Variants in LPP observed in about 807,000 individuals in gnomAD.
The protein encoded by LPP is LIM domain containing preferred translocation partner in lipoma.
In LPP, 38 loss-of-function variants were observed where a neutral mutation model predicts 60.4. That is an observed-to-expected ratio of 0.63 (90% CI 0.49 to 0.83). LPP has a LOEUF of 0.83. Among genes scored for constraint, LPP ranks in the 40% least tolerant of loss-of-function variants. The pLI is 0.00. For synonymous variants in LPP, 328 were observed against 290.8 expected, an observed-to-expected ratio of 1.13 and a Z score of -1.30; for missense variants, 902 against 783.6, an observed-to-expected ratio of 1.15 and a Z score of -1.80.
chr3:188,517,422 A>G (rs921720509), intron 5 of LPP, among the ~76,000 whole-genome samples: 1 of 152,228 alleles, frequency 6.6e-6, no homozygotes, highest in African/African-American at 2.4e-5. Flanking sequence ...AGATAGAAAT[A>G]GTTTGGATAT....
chr3:188,819,024 G>T (rs371337689), intron 9 of LPP, among the ~76,000 whole-genome samples: 2,049 of 126,650 alleles, frequency 0.016, 35 homozygotes, highest in African/African-American at 0.059. Context: ...AACTCATGGG[G>T]GTCGTGTGTG....
chr3:188,401,805 C>G (rs997686984), intron 3 of LPP, among the ~76,000 whole-genome samples: 5 of 152,110 alleles, frequency 3.3e-5, no homozygotes, highest in Non-Finnish European at 7.4e-5. Context: ...GAATATGTGA[C>G]AACAGTATGT....
chr3:188,652,194 A>C (rs1401601098), intron 7 of LPP, among the ~76,000 whole-genome samples: 1 of 152,186 alleles, frequency 6.6e-6, no homozygotes, highest in Non-Finnish European at 1.5e-5. Flanking sequence ...GACATTGCCA[A>C]GAAATTGTTT....
At chr3:188,395,241 C>T (rs543236930) in intron 3 of LPP, among the ~76,000 whole-genome samples, 5 of 152,208 alleles carry the variant, frequency 3.3e-5, no homozygotes, top group Admixed American at 6.5e-5. Context: ...TATTTAGAGA[C>T]AGGGTCTCAT....
chr3:188,709,892 A>G (rs946747778), intron 8 of LPP: 6 of 152,216 alleles, frequency 3.9e-5, no homozygotes, highest in East Asian at 1.9e-4. Context: ...TATTAGAGTT[A>G]ACTGTTAACG....
chr3:188,179,249 C>A (rs755343425), intron 1 of LPP: 13 of 458,042 alleles, frequency 2.8e-5, no homozygotes, highest in African/African-American at 6.0e-5. Context: ...TCGGCTGTGG[C>A]CTTGCATTGC....
intron 2 of LPP, among the ~76,000 whole-genome samples, chr3:188,309,669 A>T (rs1017012388): frequency 2.6e-5 from 4 of 152,142 alleles, no homozygotes; most frequent in Non-Finnish European, 5.9e-5. Flanking sequence ...ATAATTCGAT[A>T]AAATAGGTTT....
intron 3 of LPP, among the ~76,000 whole-genome samples, chr3:188,380,761 C>T (rs559304910): frequency 6.6e-6 from 1 of 152,334 alleles, no homozygotes; most frequent in East Asian, 1.9e-4. Context: ...CCATAAAATT[C>T]TCAGATGGAT....
Position 188,340,396 on chromosome 3 carries a change from CTT to C in LPP, c.-66-1248_-66-1247del, listed in dbSNP as rs5855188. On this transcript the variant is annotated intron_variant, in intron 2 of 11. Transcript: ENST00000617246. ...TGCAGGGCATCTGATCAATCATGCTCTTTTTTTTTTTTTTTTTTTTGAAACTT... is the reference window on the plus strand; with the variant it reads ...TGCAGGGCATCTGATCAATCATGCTCTTTTTTTTTTTTTTTTTTGAAACTT... Among the ~76,000 whole-genome samples the C allele has an allele frequency of 5.5e-3, 638 of 116,606 alleles. 3 individuals carry two copies. Among genetic ancestry groups the C allele is most frequent in the African/African-American group, 0.017 (518 of 31,262 alleles). 76.5% of individuals were successfully genotyped at this position (116,606 alleles called of 152,430 possible).
In LPP at chr3:188,855,568, G is replaced by A. The variant is rs577311861; in HGVS notation, c.1411-10632G>A. On this transcript the variant is annotated intron_variant, in intron 9 of 11. Transcript: ENST00000617246. ...GGGGATGTCTATGGGAGTAGATGCTGTTGGATGAATCTTTGGAGTACTCCC... is the reference window on the plus strand; with the variant it reads ...GGGGATGTCTATGGGAGTAGATGCTATTGGATGAATCTTTGGAGTACTCCC... Among the ~76,000 whole-genome samples, 41 of 152,316 alleles carry A rather than the reference G, an allele frequency of 2.7e-4. 1 individual carries two copies. The highest frequency in any genetic ancestry group is 9.6e-4 in the African/African-American group (40 of 41,574).
At chr3:188,559,266 T>C (rs1031851949) in intron 6 of LPP, among the ~76,000 whole-genome samples, 3 of 152,088 alleles carry the variant, frequency 2.0e-5, no homozygotes, top group African/African-American at 7.2e-5. Flanking sequence ...AGGCACCAGA[T>C]TATTCACACA....
intron 9 of LPP, among the ~76,000 whole-genome samples, chr3:188,847,468 G>GA (rs1761724878): frequency 6.6e-6 from 1 of 152,240 alleles, no homozygotes. Context: ...CCAGAAAGAA[G>GA]AGAAGGCTTT....
chr3:188,559,711 C>G (rs946004852), intron 6 of LPP, among the ~76,000 whole-genome samples: 4 of 152,010 alleles, frequency 2.6e-5, no homozygotes, highest in African/African-American at 9.7e-5. Flanking sequence ...TTTTATTATT[C>G]TTTTACTATG....
At chr3:188,623,027 T>TAAAAAAA (rs747020083) in intron 7 of LPP, among the ~76,000 whole-genome samples, 57 of 79,392 alleles carry the variant, frequency 7.2e-4, no homozygotes, top group East Asian at 4.7e-3. Flanking sequence ...GACTCCATCT[T>TAAAAAAA]AAAAAAAAAA....
At chr3:188,485,283 A>T (rs1463023814) in intron 5 of LPP, among the ~76,000 whole-genome samples, 1 of 152,146 alleles carries the variant, frequency 6.6e-6, no homozygotes, top group East Asian at 1.9e-4. Context: ...CGGGGCTGGG[A>T]TCAGATGTGA....
At chr3:188,672,052 T>G (rs1857058066) in intron 7 of LPP, among the ~76,000 whole-genome samples, 1 of 152,242 alleles carries the variant, frequency 6.6e-6, no homozygotes, top group Admixed American at 6.5e-5. Context: ...TCCATTAATT[T>G]TCGTGTTTGC....
chr3:188,452,781 T>A (rs1796892174), intron 4 of LPP, among the ~76,000 whole-genome samples: 1 of 152,238 alleles, frequency 6.6e-6, no homozygotes, highest in Admixed American at 6.5e-5. Flanking sequence ...GGACTGAGAC[T>A]ACAACCTGGT....
chr3:188,462,588 ATGTG>A (rs71169003), intron 4 of LPP, among the ~76,000 whole-genome samples: 3,767 of 57,946 alleles, frequency 0.065, 183 homozygotes, highest in Middle Eastern at 0.089. Context: ...ATATATATGC[ATGTG>A]TGTGTGTGTG....
At chr3:188,625,931 T>C (rs1420759106) in intron 7 of LPP, among the ~76,000 whole-genome samples, 1 of 152,180 alleles carries the variant, frequency 6.6e-6, no homozygotes, top group African/African-American at 2.4e-5. Context: ...TAAAAATGTA[T>C]GTGCAAAAAT....
Sources: allele counts gnomAD v4.1 joint callset (sites outside exome capture counted in the v4.1 genomes callset), GRCh38; gene constraint gnomAD v4.1.1; transcripts MANE v1.5; gene names NCBI Gene and HGNC (gene_info 2026-07-23, HGNC 2026-07-21).